The following NAALADL2 variants were observed in gnomAD, a reference collection of about 807,000 sequenced individuals.
NAALADL2 encodes inactive N-acetylated-alpha-linked acidic dipeptidase-like protein 2.
Under a neutral mutation model 87.2 loss-of-function variants are expected in NAALADL2, and 76 were observed. The ratio of observed to expected loss-of-function variants is 0.87; its 90% CI spans 0.72 to 1.05. The LOEUF is 1.05. NAALADL2 is among the 50% of genes least tolerant of loss of function. The pLI is 0.00. For synonymous variants in NAALADL2, 354 were observed against 331.0 expected (o/e 1.07, Z -0.75); for missense variants, 1,089 against 945.8 (o/e 1.15, Z -1.99).
chr3:174,473,860 G>C (rs1430711520), intron 1 of NAALADL2, among the ~76,000 whole-genome samples: 1 of 152,124 alleles, frequency 6.6e-6, no homozygotes, highest in South Asian at 2.1e-4. Context: ...CCCAGGACTG[G>C]TTAATTTATA....
At chr3:174,448,965 A>G (rs1305641352) in intron 1 of NAALADL2, among the ~76,000 whole-genome samples, 2 of 152,236 alleles carry the variant, frequency 1.3e-5, no homozygotes, top group Non-Finnish European at 2.9e-5. Flanking sequence ...GGGTGGATCA[A>G]TATCTATGTT....
chr3:174,821,000 T>C (rs925643312), intron 3 of NAALADL2, among the ~76,000 whole-genome samples: 6 of 152,204 alleles, frequency 3.9e-5, no homozygotes, highest in African/African-American at 1.4e-4. Context: ...TTAGGTTTTT[T>C]GTTTTCCCTT....
intron 2 of NAALADL2, among the ~76,000 whole-genome samples, chr3:174,703,086 T>C (rs1156668909): frequency 6.6e-6 from 1 of 152,162 alleles, no homozygotes; most frequent in African/African-American, 2.4e-5. Flanking sequence ...CTGGGGACTT[T>C]TGGATTTGGG....
intron 2 of NAALADL2, among the ~76,000 whole-genome samples, chr3:174,724,497 T>G (rs1324814297): frequency 6.6e-6 from 1 of 152,138 alleles, no homozygotes; most frequent in Non-Finnish European, 1.5e-5. Flanking sequence ...AGGAGAATAT[T>G]GCTATTTTAG....
At chr3:175,034,939 A>G (rs1038122475) in intron 1 of NAALADL2, among the ~76,000 whole-genome samples, 6 of 152,294 alleles carry the variant, frequency 3.9e-5, no homozygotes, top group Admixed American at 3.3e-4. Flanking sequence ...TTAAAATATA[A>G]CCTCATTGAG....
chr3:175,250,077 G>A (rs149479168), intron 3 of NAALADL2, among the ~76,000 whole-genome samples: 1,630 of 151,904 alleles, frequency 0.011, 18 homozygotes, highest in Non-Finnish European at 0.017. Context: ...GGCTGAGGCA[G>A]GAGAATCGCT....
At chr3:175,529,950 T>C (rs1312081812) in intron 9 of NAALADL2, among the ~76,000 whole-genome samples, 1 of 152,182 alleles carries the variant, frequency 6.6e-6, no homozygotes, top group African/African-American at 2.4e-5. Flanking sequence ...AGGTAGCTAA[T>C]TGATCACCCC....
At chr3:174,969,411 A>T (rs1280028654) in intron 1 of NAALADL2, among the ~76,000 whole-genome samples, 1 of 152,156 alleles carries the variant, frequency 6.6e-6, no homozygotes, top group African/African-American at 2.4e-5. Flanking sequence ...CATAAAGATG[A>T]GGATATTTTG....
Position 175,627,334 on chromosome 3 carries a change from C to T in NAALADL2, c.1844C>T (p.Thr615Ile), listed in dbSNP as rs1292199536. 1 of 1,573,106 alleles carries T rather than the reference C, an allele frequency of 6.4e-7. No individual in the cohort carries two copies. Residue 615 changes from threonine (T) to isoleucine (I), a missense_variant, in exon 11 of 14, where the codon ACA becomes ATA. By Grantham distance (89) the Thr-to-Ile change is moderately conservative. Coordinates refer to ENST00000454872, the MANE Select transcript of NAALADL2 (RefSeq NM_207015.3). ...GAGGCCCGTTTTTCTACACGAGCAA[C>T]AAAAATTGAAGAAATGGATCCCTCT... Reference protein sequence around the residue: ...LSEARFSTRATKIEEMDPSFN... With the variant: ...LSEARFSTRAIKIEEMDPSFN...
chr3:175,610,789 A>G (rs1211926241), intron 10 of NAALADL2, among the ~76,000 whole-genome samples: 1 of 152,048 alleles, frequency 6.6e-6, no homozygotes, highest in African/African-American at 2.4e-5. Flanking sequence ...CACTAATATA[A>G]TAATAATAAT....
At chr3:175,246,070 A>G (rs1179533087) in intron 3 of NAALADL2, among the ~76,000 whole-genome samples, 3 of 152,182 alleles carry the variant, frequency 2.0e-5, no homozygotes, top group Non-Finnish European at 4.4e-5. Flanking sequence ...CACTGAGTGA[A>G]CCTAAAACAG....
rs5854604 is a variant in NAALADL2 at position 174,979,304 on chromosome 3, C to CTTTTTTTTTTTT, written c.44-117478_44-117467dup. On this transcript the variant is annotated intron_variant, in intron 1 of 13. Coordinates refer to ENST00000454872, the MANE Select transcript of NAALADL2 (RefSeq NM_207015.3). ...TAGTATAATTTTCTTTCTTTCTTTT[C>CTTTTTTTTTTTT]TTTTTTTTTTTTTTTTTTTGAGACG... 6.7e-4 allele frequency among the ~76,000 whole-genome samples: 70 copies of CTTTTTTTTTTTT among 105,190 alleles called. 3 individuals carry two copies. Among genetic ancestry groups the CTTTTTTTTTTTT allele is most frequent in the African/African-American group, 1.9e-3 (48 of 25,124 alleles). The allele number at this position is 105,190 out of a possible 152,430, so 69.0% of individuals were successfully genotyped here.
chr3:175,051,437 A>G (rs1186880998), intron 1 of NAALADL2, among the ~76,000 whole-genome samples: 1 of 152,030 alleles, frequency 6.6e-6, no homozygotes, highest in Non-Finnish European at 1.5e-5. Context: ...AGACCTGTGG[A>G]GGTGGTTATT....
chr3:174,979,293 T>G (rs1388410739), intron 1 of NAALADL2, among the ~76,000 whole-genome samples: 1 of 139,058 alleles, frequency 7.2e-6, no homozygotes, highest in East Asian at 2.0e-4. Context: ...ATAATTTTCT[T>G]TCTTTCTTTT....
intron 1 of NAALADL2, among the ~76,000 whole-genome samples, chr3:174,441,825 C>T (rs1473729193): frequency 6.6e-6 from 1 of 151,072 alleles, no homozygotes; most frequent in South Asian, 2.1e-4. Context: ...CATACAGTAG[C>T]CTTTACATTT....
intron 13 of NAALADL2, among the ~76,000 whole-genome samples, chr3:175,766,044 T>C (rs1401666874): frequency 6.6e-6 from 1 of 152,134 alleles, no homozygotes; most frequent in South Asian, 2.1e-4. Flanking sequence ...GAGATTATAG[T>C]GTTAATATAG....
At chr3:175,683,625 C>T (rs889476484) in intron 11 of NAALADL2, among the ~76,000 whole-genome samples, 1 of 151,878 alleles carries the variant, frequency 6.6e-6, no homozygotes, top group African/African-American at 2.4e-5. Context: ...GAATAGAAAG[C>T]ATTCAGCTCC....
intron 11 of NAALADL2, among the ~76,000 whole-genome samples, chr3:175,641,936 T>A (rs190497765): frequency 6.6e-6 from 1 of 152,196 alleles, no homozygotes; most frequent in Non-Finnish European, 1.5e-5. Context: ...ATGCTATAAT[T>A]TTTTAGTGAA....
At chr3:175,245,677 G>C (rs980247203) in intron 3 of NAALADL2, among the ~76,000 whole-genome samples, 2 of 152,154 alleles carry the variant, frequency 1.3e-5, no homozygotes, top group African/African-American at 4.8e-5. Flanking sequence ...CTGCAGTAAA[G>C]AAGAAGTGAT....
Sources: allele counts gnomAD v4.1 joint callset (sites outside exome capture counted in the v4.1 genomes callset), GRCh38; gene constraint gnomAD v4.1.1; transcripts MANE v1.5; gene names NCBI Gene and HGNC (gene_info 2026-07-23, HGNC 2026-07-21).